TMDD1: variants seen among roughly 807,000 people sequenced by gnomAD.
TMDD1 encodes transmembrane and death domain 1, also known as transmembrane and death domain protein 1.
rs2138960542 is a variant in TMDD1 at position 51,814,670 on chromosome 12, T to A, written c.224A>T (p.Glu75Val). The A allele has an allele frequency of 2.5e-6, 1 of 398,132 alleles. No homozygotes were observed. The highest frequency in any genetic ancestry group is 1.3e-4 in the South Asian group (1 of 7,858). The allele number at this position is 398,132 out of a possible 1,614,324, so 24.7% of individuals were successfully genotyped here. ...RLSEDRLARPEPLNTTSGSPS... is the reference protein window; with the variant it reads ...RLSEDRLARPVPLNTTSGSPS... ...AGACCCCGACGTGGTGTTGAGCGGC[T>A]CAGGCCGCGCCAGCCGGTCTTCAGA... The change falls in exon 1 of 1, where the codon GAG becomes GTG. Residue 75 changes from glutamate (E) to valine (V), a missense_variant. Transcript: ENST00000642069.
Position 51,814,700 on chromosome 12 carries a change from C to T in TMDD1, c.194G>A (p.Arg65Gln), listed in dbSNP as rs1332456739. The T allele has an allele frequency of 2.5e-6, 1 of 398,064 alleles. No homozygotes were observed. The highest frequency in any genetic ancestry group is 1.3e-4 in the South Asian group (1 of 7,868). 24.7% of individuals were successfully genotyped at this position (398,064 alleles called of 1,614,324 possible). The change falls in exon 1 of 1, where the codon CGG (arginine) becomes CAG (glutamine). Residue 65 changes from arginine to glutamine, a missense_variant. By Grantham distance (43) the Arg-to-Gln change is conservative. Transcript: ENST00000642069. ...CCGCGCCAGCCGGTCTTCAGAAAGC[C>T]GGGACAACTCGGCCTCCACGTCGGG... ...PEPDVEAELS[R>Q]LSEDRLARPE...
chr12:51,814,289 C>A lies in TMDD1; in HGVS notation c.605G>T (p.Arg202Leu), dbSNP rs896995099. Residue 202 changes from arginine (R) to leucine (L), a missense_variant, in exon 1 of 1, where the codon CGC (arginine) becomes CTC (leucine). Arg to Leu is a moderately radical substitution (Grantham distance 102). Transcript: ENST00000642069. ...CCGCTCGTACAGGGGCTGCGGCAGG[C>A]GCTCCACGATCAGCTGCAGGGCGTC... ...DWDALQLIVERLPQPLYERSP... is the reference protein window; with the variant it reads ...DWDALQLIVELLPQPLYERSP... 2 of 392,862 alleles carry A rather than the reference C, an allele frequency of 5.1e-6. No homozygotes were observed. The highest frequency in any genetic ancestry group is 4.1e-5 in the African/African-American group (2 of 48,216). 24.3% of individuals were successfully genotyped at this position (392,862 alleles called of 1,614,324 possible).
rs971609770 is a variant in TMDD1 at position 51,814,783 on chromosome 12, G to A, written c.111C>T (p.Ala37=). Residue 37 remains alanine (A), a synonymous_variant, in exon 1 of 1, where the codon GCC becomes GCT. Coordinates refer to ENST00000642069, the MANE Select transcript of TMDD1 (RefSeq NM_001386737.1). ...AMGPHAAVRL[A]ELLTPEECGH... is the part of the protein sequence containing the mutation. ...CGCACTCCTCCGGGGTCAGCAGCTCGGCCAGACGGACGGCTGCGTGAGGGC... is the reference window on the plus strand; with the variant it reads ...CGCACTCCTCCGGGGTCAGCAGCTCAGCCAGACGGACGGCTGCGTGAGGGC... 2 of 398,272 alleles carry A rather than the reference G, an allele frequency of 5.0e-6. No individual in the cohort carries two copies. Among genetic ancestry groups the A allele is most frequent in the Non-Finnish European group, 8.9e-6 (2 of 225,796 alleles). The allele number at this position is 398,272 out of a possible 1,614,324, so 24.7% of individuals were successfully genotyped here.
In TMDD1 at chr12:51,814,367, G is replaced by C. The variant is rs1174428864; in HGVS notation, c.527C>G (p.Pro176Arg). The change falls in exon 1 of 1, where the codon CCC becomes CGC. Residue 176 changes from proline (P) to arginine (R), a missense_variant. Physicochemically the swap from Pro to Arg is moderately radical, Grantham distance 103. Coordinates refer to ENST00000642069, the MANE Select transcript of TMDD1 (RefSeq NM_001386737.1). ...CCGGGGGCGCGGGGCCGGGGCAAAG[G>C]GCACGCGGGCGGCGGCGCCGGGCCG... ...LPRPGAAARV[P>R]FAPAPRPRRA... 2.8e-6 allele frequency: 1 copy of C among 360,062 alleles called. No individual in the cohort carries two copies. Among genetic ancestry groups the C allele is most frequent in the East Asian group, 4.1e-5 (1 of 24,404 alleles). The allele number at this position is 360,062 out of a possible 1,614,324, so 22.3% of individuals were successfully genotyped here.
chr12:51,814,208 C>G lies in TMDD1; in HGVS notation c.686G>C (p.Gly229Ala). ...GACCAGCGCCCCGGTGCCCAGCGCC[C>G]CCACGAAGCCGGTGAGGAGGCCGAG... ...LALGLLTGFV[G>A]ALGTGALVVL... The change falls in exon 1 of 1, where the codon GGG becomes GCG. Residue 229 changes from glycine to alanine, a missense_variant. Physicochemically the swap from Gly to Ala is moderately conservative, Grantham distance 60. Coordinates refer to ENST00000642069, the MANE Select transcript of TMDD1 (RefSeq NM_001386737.1). The G allele has an allele frequency of 2.5e-6, 1 of 397,214 alleles. No individual in the cohort carries two copies. Among genetic ancestry groups the G allele is most frequent in the Non-Finnish European group, 4.4e-6 (1 of 225,190 alleles). 24.6% of individuals were successfully genotyped at this position (397,214 alleles called of 1,614,324 possible). A position where few individuals can be genotyped will look rare whatever the true frequency, so the allele number is the denominator to read the frequency against.
Position 51,814,860 on chromosome 12 carries a change from G to A in TMDD1, c.34C>T (p.Leu12Phe), listed in dbSNP as rs1286355198. The A allele has an allele frequency of 1.0e-5, 4 of 398,270 alleles. No individual in the cohort carries two copies. The highest frequency in any genetic ancestry group is 8.2e-5 in the African/African-American group (4 of 48,638). 24.7% of individuals were successfully genotyped at this position (398,270 alleles called of 1,614,324 possible). ...GCCAGCGCCCAAACCCAGAGCGTGA[G>A]GACCAAGGCGCTCGCCAGAGTCCGC... ...AARTLASALV[L>F]TLWVWALAPA... Residue 12 changes from leucine (L) to phenylalanine (F), a missense_variant, in exon 1 of 1, where the codon CTC becomes TTC. Coordinates refer to ENST00000642069, the MANE Select transcript of TMDD1 (RefSeq NM_001386737.1).
In TMDD1 at chr12:51,814,036, T is replaced by C. The variant is rs961480527; in HGVS notation, c.858A>G (p.Ala286=). The change falls in exon 1 of 1, where the codon GCA becomes GCG. Residue 286 remains alanine (A), a synonymous_variant. Coordinates refer to ENST00000642069, the MANE Select transcript of TMDD1 (RefSeq NM_001386737.1). Reference sequence around the variant, plus strand: ...GAGGTGAGGGAGAATCTGGCCCATCTGCAGCCCAGGCCCCCGGGGGCGCGC... The same window carrying C: ...GAGGTGAGGGAGAATCTGGCCCATCCGCAGCCCAGGCCCCCGGGGGCGCGC... The part of the protein sequence containing the change: ...ERRAPPGAWA[A]DGPDSPSPHS... The C allele has an allele frequency of 5.0e-5, 20 of 399,886 alleles. No individual in the cohort carries two copies. The highest frequency in any genetic ancestry group is 8.4e-5 in the Non-Finnish European group (19 of 227,184). 24.8% of individuals were successfully genotyped at this position (399,886 alleles called of 1,614,324 possible).
At position 51,814,643 on chromosome 12, in the gene TMDD1, G is replaced by A. The variant is rs1387390575; in HGVS notation, c.251C>T (p.Pro84Leu). 5 of 398,074 alleles carry A rather than the reference G, an allele frequency of 1.3e-5. No individual in the cohort carries two copies. The highest frequency in any genetic ancestry group is 4.4e-5 in the Admixed American group (1 of 22,676). 24.7% of individuals were successfully genotyped at this position (398,074 alleles called of 1,614,324 possible). A position where few individuals can be genotyped will look rare whatever the true frequency, so the allele number is the denominator to read the frequency against. Residue 84 changes from proline (P) to leucine (L), a missense_variant, in exon 1 of 1, where the codon CCG (proline) becomes CTG (leucine). By Grantham distance (98) the Pro-to-Leu change is moderately conservative. Coordinates refer to ENST00000642069, the MANE Select transcript of TMDD1 (RefSeq NM_001386737.1). ...CGCCTCTCGCCGCCGCCGCCGGCTC[G>A]GAGACCCCGACGTGGTGTTGAGCGG... ...PEPLNTTSGS[P>L]SRRRRREAAE... is the part of the protein sequence containing the mutation.
chr12:51,814,106 A>G lies in TMDD1; in HGVS notation c.788T>C (p.Val263Ala), dbSNP rs1484447201. The change falls in exon 1 of 1, where the codon GTG becomes GCG. Residue 263 changes from valine to alanine, a missense_variant. Coordinates refer to ENST00000642069, the MANE Select transcript of TMDD1 (RefSeq NM_001386737.1). ...CAGCTTTGTTTCCCACCAGCCCTGC[A>G]CTGTGGCGAGCGGGCCGGGGCTGCC... ...SPGSPGPLAT[V>A]QGWWETKLLL... The G allele has an allele frequency of 2.5e-6, 1 of 397,516 alleles. No individual in the cohort carries two copies. The highest frequency in any genetic ancestry group is 4.4e-6 in the Non-Finnish European group (1 of 225,818). 24.6% of individuals were successfully genotyped at this position (397,516 alleles called of 1,614,324 possible).
At position 51,814,249 on chromosome 12, in the gene TMDD1, C is replaced by A. The variant is rs1939013948; in HGVS notation, c.645G>T (p.Trp215Cys). The A allele has an allele frequency of 5.1e-6, 2 of 396,000 alleles. No individual in the cohort carries two copies. The highest frequency in any genetic ancestry group is 8.9e-6 in the Non-Finnish European group (2 of 224,390). 24.5% of individuals were successfully genotyped at this position (396,000 alleles called of 1,614,324 possible). A position where few individuals can be genotyped will look rare whatever the true frequency, so the allele number is the denominator to read the frequency against. The change falls in exon 1 of 1, where the codon TGG becomes TGT. Residue 215 changes from tryptophan (W) to cysteine (C), a missense_variant. Physicochemically the swap from Trp to Cys is radical, Grantham distance 215. Transcript: ENST00000642069. ...QPLYERSPMG[W>C]AGPLALGLLT... ...GGAGGCCGAGCGCCAGCGGCCCCGC[C>A]CAACCCATGGGGCTCCGCTCGTACA...
chr12:51,814,597 C>T lies in TMDD1; in HGVS notation c.297G>A (p.Arg99=), dbSNP rs569228810. Residue 99 remains arginine, a synonymous_variant, in exon 1 of 1, where the codon AGG becomes AGA. Transcript: ENST00000642069. ...RREAAEDPAG[R]VAGPGEVSDG... is the part of the protein sequence containing the mutation. ...CGGACACCTCTCCAGGCCCGGCTAC[C>T]CTGCCCGCCGGGTCCTCGGCCGCCT... 1.0e-3 allele frequency: 405 copies of T among 397,564 alleles called. 3 individuals carry two copies. In the East Asian group the frequency reaches 0.014, roughly 13 times the overall value. 24.6% of individuals were successfully genotyped at this position (397,564 alleles called of 1,614,324 possible). A position where few individuals can be genotyped will look rare whatever the true frequency, so the allele number is the denominator to read the frequency against.
Position 51,814,491 on chromosome 12 carries a change from G to A in TMDD1, c.403C>T (p.Arg135Trp), listed in dbSNP as rs1939019065. ...LSWDRLARAL[R>W]RSGRPDVARE... is the part of the protein sequence containing the mutation. ...GCCACGTCCGGGCGGCCGCTGCGCC[G>A]CAGGGCCCGAGCCAGGCGGTCCCAG... is the stretch of plus-strand genomic sequence containing the variant. Residue 135 changes from arginine (R) to tryptophan (W), a missense_variant, in exon 1 of 1, where the codon CGG becomes TGG. Physicochemically the swap from Arg to Trp is moderately radical, Grantham distance 101. Coordinates refer to ENST00000642069, the MANE Select transcript of TMDD1 (RefSeq NM_001386737.1). The A allele has an allele frequency of 5.2e-6, 2 of 385,138 alleles. No individual in the cohort carries two copies. Among genetic ancestry groups the A allele is most frequent in the Non-Finnish European group, 9.2e-6 (2 of 217,392 alleles). The allele number at this position is 385,138 out of a possible 1,614,324, so 23.9% of individuals were successfully genotyped here. A position where few individuals can be genotyped will look rare whatever the true frequency, so the allele number is the denominator to read the frequency against.
rs1939020089 is a variant in TMDD1, at chr12:51,814,541, A to G, written c.353T>C (p.Leu118Pro). ...DGCREALAAW[L>P]APQAASLSWD... is the part of the protein sequence containing the mutation. ...GGACAGGGACGCGGCCTGGGGGGCC[A>G]GCCAGGCCGCCAGCGCCTCCCGGCA... Residue 118 changes from leucine to proline, a missense_variant, in exon 1 of 1, where the codon CTG becomes CCG. Leu to Pro is a moderately conservative substitution (Grantham distance 98). Coordinates refer to ENST00000642069, the MANE Select transcript of TMDD1 (RefSeq NM_001386737.1). 1 of 392,904 alleles carries G rather than the reference A, an allele frequency of 2.5e-6. No individual in the cohort carries two copies. The highest frequency in any genetic ancestry group is 4.5e-6 in the Non-Finnish European group (1 of 222,410). The allele number at this position is 392,904 out of a possible 1,614,324, so 24.3% of individuals were successfully genotyped here. A position where few individuals can be genotyped will look rare whatever the true frequency, so the allele number is the denominator to read the frequency against.
chr12:51,814,873 C>T lies in TMDD1; in HGVS notation c.21G>A (p.Ala7=). The change falls in exon 1 of 1, where the codon GCG becomes GCA. Residue 7 remains alanine, a synonymous_variant. Coordinates refer to ENST00000642069, the MANE Select transcript of TMDD1 (RefSeq NM_001386737.1). MAARTL[A]SALVLTLWVW... ...CCCAGAGCGTGAGGACCAAGGCGCT[C>T]GCCAGAGTCCGCGCCGCCATCCCTG... is the stretch of plus-strand genomic sequence containing the variant. The T allele has an allele frequency of 7.5e-6, 3 of 398,336 alleles. No individual in the cohort carries two copies. The highest frequency in any genetic ancestry group is 1.3e-5 in the Non-Finnish European group (3 of 225,848). 24.7% of individuals were successfully genotyped at this position (398,336 alleles called of 1,614,324 possible). A position where few individuals can be genotyped will look rare whatever the true frequency, so the allele number is the denominator to read the frequency against.
chr12:51,814,046 GC>G lies in TMDD1; in HGVS notation c.847del (p.Ala283ProfsTer38). 1 of 399,942 alleles carries G rather than the reference GC, an allele frequency of 2.5e-6. No individual in the cohort carries two copies. The highest frequency in any genetic ancestry group is 4.4e-6 in the Non-Finnish European group (1 of 227,150). 24.8% of individuals were successfully genotyped at this position (399,942 alleles called of 1,614,324 possible). On this transcript the variant is annotated frameshift_variant, in exon 1 of 1. Transcript: ENST00000642069. LOFTEE classifies it low-confidence loss of function (END_TRUNC). ...LPKERRAPPGAWAADGPDSPS... is the reference protein window; with the variant it reads ...LPKERRAPPGXWAADGPDSPS... ...AGAATCTGGCCCATCTGCAGCCCAG[GC>G]CCCCGGGGGCGCGCGCCGCTCTTTA...
Position 51,814,194 on chromosome 12 carries a change from C to A in TMDD1, c.700G>T (p.Gly234Trp). Residue 234 changes from glycine (G) to tryptophan (W), a missense_variant, in exon 1 of 1, where the codon GGG becomes TGG. By Grantham distance (184) the Gly-to-Trp change is radical. Transcript: ENST00000642069. ...LTGFVGALGTGALVVLLTLWI... is the reference protein window; with the variant it reads ...LTGFVGALGTWALVVLLTLWI... ...AGCGTGAGCAGGACGACCAGCGCCC[C>A]GGTGCCCAGCGCCCCCACGAAGCCG... 1 of 397,152 alleles carries A rather than the reference C, an allele frequency of 2.5e-6. No individual in the cohort carries two copies. The allele number at this position is 397,152 out of a possible 1,614,324, so 24.6% of individuals were successfully genotyped here.
At position 51,814,723 on chromosome 12, in the gene TMDD1, G is replaced by A. The variant is rs1042140648; in HGVS notation, c.171C>T (p.Pro57=). ...HFRSLLEAPE[P]DVEAELSRLS... is the part of the protein sequence containing the mutation. ...GCCGGGACAACTCGGCCTCCACGTC[G>A]GGCTCGGGCGCCTCCAGGAGCGACC... The change falls in exon 1 of 1, where the codon CCC becomes CCT. Residue 57 remains proline, a synonymous_variant. Transcript: ENST00000642069. The A allele has an allele frequency of 1.3e-5, 5 of 398,102 alleles. No individual in the cohort carries two copies. Among genetic ancestry groups the A allele is most frequent in the Middle Eastern group, 6.2e-4 (1 of 1,608 alleles). The allele number at this position is 398,102 out of a possible 1,614,324, so 24.7% of individuals were successfully genotyped here.
In TMDD1 at chr12:51,814,497, C is replaced by T. The variant is rs1228446195; in HGVS notation, c.397G>A (p.Ala133Thr). Residue 133 changes from alanine (A) to threonine (T), a missense_variant, in exon 1 of 1, where the codon GCC becomes ACC. Physicochemically the swap from Ala to Thr is moderately conservative, Grantham distance 58. Coordinates refer to ENST00000642069, the MANE Select transcript of TMDD1 (RefSeq NM_001386737.1). ...ASLSWDRLAR[A>T]LRRSGRPDVA... ...TCCGGGCGGCCGCTGCGCCGCAGGGCCCGAGCCAGGCGGTCCCAGGACAGG... is the reference window on the plus strand; with the variant it reads ...TCCGGGCGGCCGCTGCGCCGCAGGGTCCGAGCCAGGCGGTCCCAGGACAGG... 1 of 386,560 alleles carries T rather than the reference C, an allele frequency of 2.6e-6. No individual in the cohort carries two copies. Among genetic ancestry groups the T allele is most frequent in the Non-Finnish European group, 4.6e-6 (1 of 218,224 alleles). 23.9% of individuals were successfully genotyped at this position (386,560 alleles called of 1,614,324 possible).
chr12:51,814,394 G>A lies in TMDD1; in HGVS notation c.500C>T (p.Pro167Leu), dbSNP rs966982112. 2 of 360,258 alleles carry A rather than the reference G, an allele frequency of 5.6e-6. No homozygotes were observed. Among genetic ancestry groups the A allele is most frequent in the African/African-American group, 2.1e-5 (1 of 46,946 alleles). The allele number at this position is 360,258 out of a possible 1,614,324, so 22.3% of individuals were successfully genotyped here. A position where few individuals can be genotyped will look rare whatever the true frequency, so the allele number is the denominator to read the frequency against. Residue 167 changes from proline to leucine, a missense_variant, in exon 1 of 1, where the codon CCG becomes CTG. Coordinates refer to ENST00000642069, the MANE Select transcript of TMDD1 (RefSeq NM_001386737.1). ...QLRKFGQRFLPRPGAAARVPF... is the reference protein window; with the variant it reads ...QLRKFGQRFLLRPGAAARVPF... ...CACGCGGGCGGCGGCGCCGGGCCGC[G>A]GCAGGAAGCGCTGCCCGAACTTGCG...
Sources: gnomAD v4.1 joint callset for allele counts on GRCh38, gnomAD v4.1.1 for gene constraint, MANE v1.5 for transcripts, NCBI Gene and HGNC (gene_info 2026-07-23, HGNC 2026-07-21) for gene names.